WNT9B: variants seen among roughly 807,000 people sequenced by gnomAD.
The protein encoded by WNT9B is Wnt family member 9B, also known as protein Wnt-9b.
In WNT9B, 12 loss-of-function variants were observed where a neutral mutation model predicts 30.2. That is an observed-to-expected ratio of 0.40 (90% CI 0.26 to 0.64). WNT9B has a LOEUF of 0.64. Among genes scored for constraint, WNT9B ranks in the 30% least tolerant of loss-of-function variants. The probability of loss-of-function intolerance (pLI) is 0.42; values close to 1 mark genes in which losing one functional copy is unlikely to be tolerated. For synonymous variants in WNT9B, 218 were observed against 216.9 expected (o/e 1.01, Z -0.05); for missense variants, 442 against 485.2 (o/e 0.91, Z 0.84).
At chr17:46,872,477 C>A (rs561732888) in intron 1 of WNT9B, 40 bp from the exon 2 acceptor site, 1 of 1,457,468 alleles carries the variant, frequency 6.9e-7, no homozygotes, top group Non-Finnish European at 9.1e-7. Context: ...TCACCACCAT[C>A]CCCAAGGCTC....
At chr17:46,860,790 C>A (rs1364534911) in intron 1 of WNT9B, among the ~76,000 whole-genome samples, 2 of 152,244 alleles carry the variant, frequency 1.3e-5, no homozygotes, top group East Asian at 3.8e-4. Context: ...ATGTGCATTA[C>A]TTCACCTCAC....
chr17:46,840,236 G>A (rs983658157), intron 1 of WNT9B, among the ~76,000 whole-genome samples: 1 of 151,750 alleles, frequency 6.6e-6, no homozygotes, highest in Non-Finnish European at 1.5e-5. Flanking sequence ...ACAGGTGCCC[G>A]ACACCACGCC....
At chr17:46,857,914 A>G (rs1190187777) in intron 1 of WNT9B, among the ~76,000 whole-genome samples, 1 of 131,968 alleles carries the variant, frequency 7.6e-6, no homozygotes, top group African/African-American at 3.3e-5. Flanking sequence ...AGAGTTCTTT[A>G]TGTATTTTGT....
At chr17:46,835,463 G>A (rs552947151) in intron 1 of WNT9B, among the ~76,000 whole-genome samples, 19 of 151,996 alleles carry the variant, frequency 1.3e-4, no homozygotes, top group South Asian at 6.2e-4. Flanking sequence ...CACCCACCTC[G>A]GCCTCTCAAA....
At chr17:46,868,198 G>A (rs1278709910) in intron 1 of WNT9B, among the ~76,000 whole-genome samples, 2 of 152,188 alleles carry the variant, frequency 1.3e-5, no homozygotes, top group Admixed American at 6.5e-5. Context: ...TTAGCAAGTT[G>A]GCAAACAACC....
intron 1 of WNT9B, among the ~76,000 whole-genome samples, chr17:46,839,945 TTTCTTTC>T (rs1263369909): frequency 6.7e-6 from 1 of 149,876 alleles, no homozygotes; most frequent in Admixed American, 6.7e-5. Flanking sequence ...TCTTTCTTTC[TTTCTTTC>T]TTTCTTTCTT....
At chr17:46,846,087 G>A (rs995406656) in intron 1 of WNT9B, among the ~76,000 whole-genome samples, 4 of 152,076 alleles carry the variant, frequency 2.6e-5, no homozygotes, top group South Asian at 2.1e-4. Flanking sequence ...CACCGTGCCC[G>A]GCCATGTTAT....
chr17:46,857,465 ACT>A (rs1338904783), intron 1 of WNT9B, among the ~76,000 whole-genome samples: 7 of 125,970 alleles, frequency 5.6e-5, no homozygotes, highest in South Asian at 2.5e-4. Context: ...ACAGAGCAAG[ACT>A]CTGTCTCAAA....
At chr17:46,834,470 G>A (rs886618188) in intron 1 of WNT9B, among the ~76,000 whole-genome samples, 2 of 152,176 alleles carry the variant, frequency 1.3e-5, no homozygotes, top group Non-Finnish European at 2.9e-5. Context: ...TAGGCCTGCC[G>A]AGGCATGGCT....
At chr17:46,882,538 C>T (rs2085437022), downstream of WNT9B, among the ~76,000 whole-genome samples, 1 of 151,910 alleles carries the variant, frequency 6.6e-6, no homozygotes, top group East Asian at 1.9e-4. Flanking sequence ...TAGGTTCAAG[C>T]GATTCTCCTG....
At chr17:46,881,606 T>A (rs1205784477), downstream of WNT9B, among the ~76,000 whole-genome samples, 1 of 152,166 alleles carries the variant, frequency 6.6e-6, no homozygotes, top group African/African-American at 2.4e-5. Context: ...ATCTGAGCCT[T>A]ACTTTGTTCC....
At chr17:46,881,589 T>C (rs905185823), downstream of WNT9B, among the ~76,000 whole-genome samples, 2 of 152,182 alleles carry the variant, frequency 1.3e-5, no homozygotes, top group African/African-American at 4.8e-5. Flanking sequence ...CACCTCCTCC[T>C]GCCCTCATCT....
At chr17:46,833,214 G>A in exon 1 of WNT9B, 1 of 399,454 alleles carries the variant, frequency 2.5e-6, no homozygotes, top group South Asian at 1.9e-5. Flanking sequence ...AAACCGGGAA[G>A]CAGCATGTGC....
At chr17:46,850,989 C>G (rs141974750), upstream of WNT9B, among the ~76,000 whole-genome samples, 244 of 152,354 alleles carry the variant, frequency 1.6e-3, no homozygotes, top group Non-Finnish European at 3.0e-3. Flanking sequence ...GCGCCCTTTC[C>G]TCTCTCCCCT....
At position 46,851,775 on chromosome 17, in the gene WNT9B, T is replaced by G; in HGVS notation, c.77+60T>G. ...GCCTGCCTGTCTCTCCCTCCTGCGC[T>G]ACAGCTGGGCCAATTTTTCCCTCCC... On this transcript the variant is annotated intron_variant, in intron 1 of 3. Transcript: ENST00000290015. This position sits in a 1 kb window ranked among gnomAD's most constrained non-coding sequence, Gnocchi z 4.3. 2 of 890,818 alleles carry G rather than the reference T, an allele frequency of 2.2e-6. No homozygotes were observed. The highest frequency in any genetic ancestry group is 1.5e-6 in the Non-Finnish European group (1 of 670,876). The allele number at this position is 890,818 out of a possible 1,614,324, so 55.2% of individuals were successfully genotyped here.
chr17:46,882,276 C>A (rs767241670), downstream of WNT9B, among the ~76,000 whole-genome samples: 1 of 152,190 alleles, frequency 6.6e-6, no homozygotes, highest in South Asian at 2.1e-4. Context: ...GAACAGTCCC[C>A]CTCTTTCTTT....
chr17:46,861,578 A>G (rs960473086), intron 1 of WNT9B, among the ~76,000 whole-genome samples: 4 of 152,124 alleles, frequency 2.6e-5, no homozygotes, highest in African/African-American at 9.7e-5. Context: ...ACTTATCCCC[A>G]TCGGACTCCA....
rs2085373999 is a variant in WNT9B at position 46,878,125 on chromosome 17, T to C, written c.*1407T>C. On this transcript the variant is annotated 3_prime_UTR_variant, in exon 4 of 4. Transcript: ENST00000290015. ...GGATGAAGACCTTGCAGGGGTCCCCTTGCTGGAGGCATTGTACTTCCCCAG... is the reference window on the plus strand; with the variant it reads ...GGATGAAGACCTTGCAGGGGTCCCCCTGCTGGAGGCATTGTACTTCCCCAG... 6.6e-6 allele frequency among the ~76,000 whole-genome samples: 1 copy of C among 152,224 alleles called. No homozygotes were observed.
chr17:46,847,848 G>T (rs2084793548), upstream of WNT9B, among the ~76,000 whole-genome samples: 1 of 152,208 alleles, frequency 6.6e-6, no homozygotes, highest in African/African-American at 2.4e-5. Flanking sequence ...TTTCAGGCAG[G>T]GTGGGCTGGC....
Sources: gnomAD v4.1 joint callset for allele counts (sites outside exome capture counted in the v4.1 genomes callset) on GRCh38, gnomAD v4.1.1 for gene constraint, Gnocchi (gnomAD v3.1) non-coding constraint, MANE v1.5 for transcripts, NCBI Gene and HGNC (gene_info 2026-07-23, HGNC 2026-07-21) for gene names.